ATAD2: variants seen among roughly 807,000 people sequenced by gnomAD.
The protein encoded by ATAD2 is ATPase family AAA domain-containing protein 2.
ATAD2 carries 62 observed loss-of-function variants against 168.9 expected under a neutral mutation model. The ratio of observed to expected loss-of-function variants is 0.37; its 90% confidence interval spans 0.30 to 0.45. ATAD2 has a LOEUF of 0.45. ATAD2 is among the 20% of genes least tolerant of loss of function. The pLI is 1.00. For missense variants in ATAD2, 1,419 were observed against 1,667.8 expected, an observed-to-expected ratio of 0.85 and a Z score of 2.60; for synonymous variants, 613 against 571.6, an observed-to-expected ratio of 1.07 and a Z score of -1.03.
In ATAD2 at chr8:123,385,782, T is replaced by TAC. The variant is rs796861088; in HGVS notation, c.172-5107_172-5106dup. Reference sequence around the variant, plus strand: ...AGGTATATAAGGTTTTATATATACATACACACACACACATATATACACGCA... The same window carrying TAC: ...AGGTATATAAGGTTTTATATATACATACACACACACACACATATATACACGCA... On this transcript the variant is annotated intron_variant, in intron 1 of 27. Coordinates refer to ENST00000287394, the MANE Select transcript of ATAD2 (RefSeq NM_014109.4). 1.2e-4 allele frequency among the ~76,000 whole-genome samples: 18 copies of TAC among 151,798 alleles called. No homozygotes were observed. In the South Asian group the frequency reaches 1.2e-3, roughly 11 times the overall value.
intron 13 of ATAD2, among the ~76,000 whole-genome samples, chr8:123,355,941 G>C (rs1253795106): frequency 6.6e-6 from 1 of 151,704 alleles, no homozygotes; most frequent in East Asian, 1.9e-4. Flanking sequence ...TTTTTGAGAG[G>C]GAGTTTCGCT....
chr8:123,406,478 C>T (rs1479950215), intron 1 of ATAD2, among the ~76,000 whole-genome samples: 1 of 150,430 alleles, frequency 6.6e-6, no homozygotes, highest in Non-Finnish European at 1.5e-5. Flanking sequence ...CAGCCAAAAG[C>T]TTTTCTCTAT....
chr8:123,358,723 CTTTTTTTTTT>C (rs772822406), intron 11 of ATAD2, among the ~76,000 whole-genome samples: 28 of 76,854 alleles, frequency 3.6e-4, no homozygotes, highest in African/African-American at 1.3e-3. Context: ...TGGTACATTA[CTTTTTTTTTT>C]TTTTTTTTTT....
chr8:123,371,268 C>G lies in ATAD2; in HGVS notation c.607G>C (p.Glu203Gln). Residue 203 changes from glutamate (E) to glutamine (Q), a missense_variant, in exon 5 of 28, where the codon GAA (glutamate) becomes CAA (glutamine). Around this residue, in one of 5 missense-constraint regions of ATAD2, gnomAD observed 419 missense variants for 423.5 expected, o/e 0.99. Transcript: ENST00000287394. ...GTTTCATTAAACACTCCCAAGTCTT[C>G]AAGTTCTCTCATTCGCTGTCTACGC... ...KMRRQRMREL[E>Q]DLGVFNETEE... The G allele has an allele frequency of 6.2e-7, 1 of 1,609,928 alleles. No homozygotes were observed. The highest frequency in any genetic ancestry group is 8.5e-7 in the Non-Finnish European group (1 of 1,178,444).
chr8:123,367,603 T>C (rs898117178), intron 8 of ATAD2, among the ~76,000 whole-genome samples: 2 of 152,206 alleles, frequency 1.3e-5, no homozygotes, highest in South Asian at 4.1e-4. Flanking sequence ...GATCATTACA[T>C]TTCACCACCA....
chr8:123,369,440 T>C (rs775142121), intron 7 of ATAD2: 11 of 227,340 alleles, frequency 4.8e-5, no homozygotes, highest in Non-Finnish European at 7.7e-5. Flanking sequence ...ATTGTGACTG[T>C]AGAGATGTGT....
At chr8:123,383,470 G>A (rs907950554) in intron 1 of ATAD2, among the ~76,000 whole-genome samples, 5 of 152,272 alleles carry the variant, frequency 3.3e-5, no homozygotes, top group Admixed American at 6.5e-5. Flanking sequence ...ACTGGTGTAG[G>A]TGTTAAGAAA....
intron 1 of ATAD2, among the ~76,000 whole-genome samples, chr8:123,411,703 C>T (rs2130053010): frequency 6.6e-6 from 1 of 152,260 alleles, no homozygotes; most frequent in Admixed American, 6.5e-5. Flanking sequence ...CCTTTGGGTC[C>T]CCTCCCTTTG....
intron 1 of ATAD2, among the ~76,000 whole-genome samples, chr8:123,406,215 A>G (rs890631636): frequency 2.0e-5 from 3 of 151,962 alleles, no homozygotes; most frequent in African/African-American, 4.8e-5. Flanking sequence ...TGTCTCTACT[A>G]AAAATACAAA....
chr8:123,413,927 A>T (rs1266485187), intron 1 of ATAD2, among the ~76,000 whole-genome samples: 2 of 151,794 alleles, frequency 1.3e-5, no homozygotes, highest in Admixed American at 1.3e-4. Flanking sequence ...CGAGGCGGGC[A>T]GATCACTTGA....
chr8:123,400,951 C>T (rs189556306), upstream of ATAD2: 4 of 1,416,176 alleles, frequency 2.8e-6, no homozygotes, highest in South Asian at 1.1e-5. The surrounding 1 kb of genome is among the most constrained non-coding windows in gnomAD (Gnocchi z 4.5). Flanking sequence ...CCCCTCGCAC[C>T]CTGTGGGTGA....
At chr8:123,378,266 T>C (rs1829379567) in intron 2 of ATAD2, among the ~76,000 whole-genome samples, 2 of 152,118 alleles carry the variant, frequency 1.3e-5, no homozygotes, top group Admixed American at 6.5e-5. Flanking sequence ...TAAAATACAG[T>C]ATAAAACACT....
Position 123,328,414 on chromosome 8 carries a change from G to A in ATAD2, c.3644C>T (p.Thr1215Ile). The change falls in exon 25 of 28, where the codon ACC becomes ATC. Residue 1215 changes from threonine to isoleucine, a missense_variant. This residue lies in a region of ATAD2 where 303 missense variants were observed against 304.3 expected (regional missense o/e 1.00). Transcript: ENST00000287394. ...CACCGAAGACTCTCCTGTGTTTCCG[G>A]TCTCATTATGATCTACACTTGTGTC... is the stretch of plus-strand genomic sequence containing the variant. ...TQDTSVDHNE[T>I]GNTGESSVEE... is the part of the protein sequence containing the mutation. 2.6e-6 allele frequency: 4 copies of A among 1,538,964 alleles called. No individual in the cohort carries two copies. The highest frequency in any genetic ancestry group is 1.8e-5 in the Admixed American group (1 of 54,514).
At chr8:123,401,513 T>C (rs1310283176) in intron 1 of ATAD2, 3 of 1,566,434 alleles carry the variant, frequency 1.9e-6, no homozygotes, top group South Asian at 2.3e-5. Context: ...AGAACCTGAT[T>C]GATGCTGGTG....
chr8:123,354,864 A>AAAAAATATATATAT (rs1554644338), intron 13 of ATAD2, among the ~76,000 whole-genome samples: 1 of 64,706 alleles, frequency 1.5e-5, no homozygotes, highest in African/African-American at 8.7e-5. Context: ...AAAAAAAAAA[A>AAAAAATATATATAT]ATATATATAT....
intron 8 of ATAD2, among the ~76,000 whole-genome samples, chr8:123,367,515 C>T (rs13248086): frequency 0.18 from 27,631 of 152,090 alleles, 2,972 homozygotes; most frequent in Admixed American, 0.25. Flanking sequence ...AGTTAGGTAA[C>T]CATAACAGTG....
intron 8 of ATAD2, among the ~76,000 whole-genome samples, chr8:123,368,128 A>G (rs560935833): frequency 1.3e-5 from 2 of 152,334 alleles, no homozygotes; most frequent in Non-Finnish European, 2.9e-5. Context: ...ATCAAGAATT[A>G]TCTCTTTGAC....
At chr8:123,385,397 T>C (rs973915125) in intron 1 of ATAD2, among the ~76,000 whole-genome samples, 10 of 152,244 alleles carry the variant, frequency 6.6e-5, no homozygotes, top group Admixed American at 2.6e-4. Context: ...AACTGGTTTT[T>C]AGACTGCAGT....
At chr8:123,365,530 G>A (rs1380236273) in intron 8 of ATAD2, among the ~76,000 whole-genome samples, 2 of 152,034 alleles carry the variant, frequency 1.3e-5, no homozygotes, top group South Asian at 2.1e-4. Context: ...TTCAAACTAC[G>A]CTATAAGGCC....
Sources: gnomAD v4.1 joint callset for allele counts (sites outside exome capture counted in the v4.1 genomes callset) on GRCh38, gnomAD v4.1.1 for gene constraint, gnomAD v4.1.1 regional missense constraint, Gnocchi (gnomAD v3.1) non-coding constraint, MANE v1.5 for transcripts, NCBI Gene and HGNC (gene_info 2026-07-23, HGNC 2026-07-21) for gene names.